The following KCNU1 variants were observed in gnomAD, a reference collection of about 807,000 sequenced individuals.
KCNU1 encodes potassium channel subfamily U member 1.
A neutral mutation model predicts 126.8 loss-of-function variants in KCNU1; 93 were observed. The observed-to-expected ratio is 0.73, with a 90% CI of 0.62 to 0.87. KCNU1 has a LOEUF of 0.87. Among genes scored for constraint, KCNU1 ranks in the 40% least tolerant of loss-of-function variants. KCNU1 has a pLI of 0.00. For missense variants in KCNU1, 1,330 were observed against 1,367.1 expected (o/e 0.97, Z 0.43); for synonymous variants, 523 against 494.2 (o/e 1.06, Z -0.77).
chr8:36,841,014 G>A lies in KCNU1; in HGVS notation c.1703+11G>A. The A allele has an allele frequency of 1.5e-6, 2 of 1,316,326 alleles. No homozygotes were observed. The highest frequency in any genetic ancestry group is 2.2e-6 in the Non-Finnish European group (2 of 912,576). The allele number at this position is 1,316,326 out of a possible 1,614,324, so 81.5% of individuals were successfully genotyped here. On this transcript the variant is annotated intron_variant, in intron 16 of 26. Coordinates refer to ENST00000399881, the MANE Select transcript of KCNU1 (RefSeq NM_001031836.3). ...TACGGATGGTTTCTGGTACCAATAA[G>A]TCTGCTCATCTCTTCAGTTGTTTTT...
At chr8:36,820,976 G>T (rs757667012) in intron 10 of KCNU1, among the ~76,000 whole-genome samples, 1 of 152,162 alleles carries the variant, frequency 6.6e-6, no homozygotes, top group Non-Finnish European at 1.5e-5. Context: ...AGCATGACAT[G>T]AACCTGAATT....
intron 24 of KCNU1, among the ~76,000 whole-genome samples, chr8:36,929,655 A>C (rs901767590): frequency 6.6e-6 from 1 of 152,166 alleles, no homozygotes; most frequent in African/African-American, 2.4e-5. Flanking sequence ...TTTCAGAAGC[A>C]AAGGCATGAA....
intron 2 of KCNU1, among the ~76,000 whole-genome samples, chr8:36,790,439 A>G (rs989213179): frequency 6.6e-6 from 1 of 152,076 alleles, no homozygotes; most frequent in African/African-American, 2.4e-5. Context: ...ATTACTTCAA[A>G]CAATGAAATA....
At chr8:36,794,055 CAAA>C (rs747930765) in intron 2 of KCNU1, among the ~76,000 whole-genome samples, 970 of 64,960 alleles carry the variant, frequency 0.015, 6 homozygotes, top group African/African-American at 0.042. Flanking sequence ...CTCTGTCTCT[CAAA>C]AAAAAAAAAA....
At position 36,814,445 on chromosome 8, in the gene KCNU1, C is replaced by G. The variant is rs1439028865; in HGVS notation, c.903+68C>G. The G allele has an allele frequency of 6.2e-6, 7 of 1,121,128 alleles. No homozygotes were observed. In the South Asian group the frequency reaches 9.5e-5, roughly 15 times the overall value. 69.4% of individuals were successfully genotyped at this position (1,121,128 alleles called of 1,614,324 possible). On this transcript the variant is annotated intron_variant, in intron 8 of 26. Transcript: ENST00000399881. Reference sequence around the variant, plus strand: ...CCAGAAATATTTGGTTAATGGTAATCAATGAAACAATATAGGTTTAAGAGT... The same window carrying G: ...CCAGAAATATTTGGTTAATGGTAATGAATGAAACAATATAGGTTTAAGAGT...
chr8:36,787,174 G>C, intron 1 of KCNU1, 132 bp from the exon 2 acceptor site: 1 of 707,144 alleles, frequency 1.4e-6, no homozygotes, highest in East Asian at 3.2e-5. Context: ...GCAACTTCAG[G>C]GTTCCCTGGT....
rs1480122315 is a variant in KCNU1 at position 36,931,328 on chromosome 8, ATATGT to A, written c.2931+187_2931+191del. ...GTATTTTACAAATCACAGTGTGTTA[ATATGT>A]TATATTTATTTTTATAATAATTATG... On this transcript the variant is annotated intron_variant, in intron 25 of 26. Coordinates refer to ENST00000399881, the MANE Select transcript of KCNU1 (RefSeq NM_001031836.3). 5.9e-5 allele frequency among the ~76,000 whole-genome samples: 9 copies of A among 152,258 alleles called. No homozygotes were observed. The East Asian group carries it at 1.2e-3, about 20-fold the overall frequency.
chr8:36,929,738 A>G (rs1808642833), intron 24 of KCNU1, among the ~76,000 whole-genome samples: 1 of 152,142 alleles, frequency 6.6e-6, no homozygotes, highest in Non-Finnish European at 1.5e-5. Context: ...TGGAGGAAAC[A>G]AGCCTGGGAA....
rs1471592078 is a variant in KCNU1 at position 36,905,706 on chromosome 8, A to C, written c.2010-2A>C. ...AACTAACTCTCCATTCTTCCTATTT[A>C]GGACTCTTCAACATGATGTAGAACA... On this transcript the variant is annotated splice_acceptor_variant, in intron 19 of 26. Transcript: ENST00000399881. LOFTEE classifies it high-confidence loss of function. The C allele has an allele frequency of 6.5e-7, 1 of 1,530,580 alleles. No homozygotes were observed. Among genetic ancestry groups the C allele is most frequent in the Non-Finnish European group, 9.1e-7 (1 of 1,104,214 alleles). The allele number at this position is 1,530,580 out of a possible 1,614,324, so 94.8% of individuals were successfully genotyped here.
chr8:36,890,156 G>T (rs554404442), intron 19 of KCNU1, among the ~76,000 whole-genome samples: 10 of 152,012 alleles, frequency 6.6e-5, no homozygotes, highest in Non-Finnish European at 1.5e-4. Flanking sequence ...AATGTCAAAA[G>T]ATGGTAAGAA....
chr8:36,885,768 G>A (rs1191024677), intron 19 of KCNU1, among the ~76,000 whole-genome samples: 1 of 151,976 alleles, frequency 6.6e-6, no homozygotes, highest in Non-Finnish European at 1.5e-5. Context: ...ACCCCAGCTT[G>A]GGAGACAGAG....
intron 18 of KCNU1, among the ~76,000 whole-genome samples, chr8:36,858,001 G>A (rs1805591796): frequency 6.6e-6 from 1 of 152,028 alleles, no homozygotes; most frequent in Admixed American, 6.6e-5. Context: ...GATTTTCAAT[G>A]TGTGTTTGTT....
At chr8:36,858,921 T>G (rs1178527544) in intron 18 of KCNU1, among the ~76,000 whole-genome samples, 1 of 152,196 alleles carries the variant, frequency 6.6e-6, no homozygotes, top group African/African-American at 2.4e-5. Context: ...TAAAATAGAA[T>G]AATTTCTTTT....
chr8:36,920,289 T>G (rs1350530534), intron 23 of KCNU1, among the ~76,000 whole-genome samples: 10 of 152,154 alleles, frequency 6.6e-5, no homozygotes, highest in African/African-American at 2.2e-4. Context: ...ACCCTCAGTA[T>G]CCATGGGTTT....
In KCNU1 at chr8:36,815,583, T is replaced by G; in HGVS notation, c.904-13T>G. The stretch of plus-strand genomic sequence containing the variant: ...AATGAGAACTAAGGTTTTATTTTGC[T>G]GATCAATTTTAGATATTATTTGCGA... On this transcript the variant is annotated splice_polypyrimidine_tract_variant and intron_variant, in intron 8 of 26. Coordinates refer to ENST00000399881, the MANE Select transcript of KCNU1 (RefSeq NM_001031836.3). 1 of 1,400,740 alleles carries G rather than the reference T, an allele frequency of 7.1e-7. No individual in the cohort carries two copies. The highest frequency in any genetic ancestry group is 9.9e-7 in the Non-Finnish European group (1 of 1,009,674). 86.8% of individuals were successfully genotyped at this position (1,400,740 alleles called of 1,614,324 possible).
At chr8:36,856,662 C>A (rs552738070) in intron 18 of KCNU1, among the ~76,000 whole-genome samples, 156 of 152,264 alleles carry the variant, frequency 1.0e-3, no homozygotes, top group Middle Eastern at 6.8e-3. Flanking sequence ...ACACCCAGTT[C>A]CTAGACTACA....
chr8:36,832,012 T>C (rs1484378837), intron 10 of KCNU1, among the ~76,000 whole-genome samples: 3 of 152,246 alleles, frequency 2.0e-5, no homozygotes, highest in African/African-American at 7.2e-5. Context: ...ATTTATTAAA[T>C]AGGGAATCCT....
chr8:36,841,116 C>G, intron 16 of KCNU1, 113 bp downstream of exon 16: 1 of 709,700 alleles, frequency 1.4e-6, no homozygotes, highest in South Asian at 1.8e-5. Flanking sequence ...TAAGCTTTTT[C>G]CCTTTGGTGG....
At chr8:36,929,910 G>A (rs1346860177) in intron 24 of KCNU1, among the ~76,000 whole-genome samples, 2 of 152,088 alleles carry the variant, frequency 1.3e-5, no homozygotes, top group Non-Finnish European at 2.9e-5. Flanking sequence ...TTGCAGATGA[G>A]AAGAAAATCA....
Sources: gnomAD v4.1 joint callset for allele counts (sites outside exome capture counted in the v4.1 genomes callset) on GRCh38, gnomAD v4.1.1 for gene constraint, MANE v1.5 for transcripts, NCBI Gene and HGNC (gene_info 2026-07-23, HGNC 2026-07-21) for gene names.